Variants in CTNNA3 observed in about 807,000 individuals in gnomAD.
CTNNA3 encodes catenin alpha-3.
Under a neutral mutation model 95.7 loss-of-function variants are expected in CTNNA3, and 76 were observed. The observed-to-expected ratio is 0.79, with a 90% CI of 0.66 to 0.96. The LOEUF (loss-of-function observed/expected upper bound fraction) is 0.96. Among genes scored for constraint, CTNNA3 ranks in the 40% least tolerant of loss-of-function variants. The pLI is 0.00. For synonymous variants in CTNNA3, 431 were observed against 374.4 expected (o/e 1.15, Z -1.74); for missense variants, 1,191 against 1,089.8 (o/e 1.09, Z -1.31).
intron 7 of CTNNA3, among the ~76,000 whole-genome samples, chr10:67,147,010 G>A (rs906842979): frequency 2.0e-5 from 3 of 152,128 alleles, no homozygotes; most frequent in African/African-American, 7.2e-5. Flanking sequence ...ATGCAGGTTT[G>A]TGTAAGTCCC....
intron 5 of CTNNA3, among the ~76,000 whole-genome samples, chr10:67,241,420 C>CA (rs796801093): frequency 0.045 from 5,941 of 133,156 alleles, 331 homozygotes; most frequent in African/African-American, 0.14. Flanking sequence ...GAGACTGTTT[C>CA]AAAAAAAAAA....
At chr10:67,413,141 A>G (rs1845425524) in intron 5 of CTNNA3, among the ~76,000 whole-genome samples, 1 of 152,142 alleles carries the variant, frequency 6.6e-6, no homozygotes, top group African/African-American at 2.4e-5. Flanking sequence ...ACGTAAAAGT[A>G]TGCGGTAAGA....
intron 13 of CTNNA3, among the ~76,000 whole-genome samples, chr10:66,158,660 A>T (rs774069346): frequency 1.6e-4 from 24 of 151,844 alleles, no homozygotes; most frequent in Middle Eastern, 3.4e-3. Flanking sequence ...TGAATTTTAG[A>T]ATTGTTTTTT....
chr10:65,963,138 C>A (rs922823684), intron 17 of CTNNA3, among the ~76,000 whole-genome samples: 17 of 152,110 alleles, frequency 1.1e-4, no homozygotes, highest in African/African-American at 2.9e-4. Flanking sequence ...TTTACTATTG[C>A]CATCTCAAAC....
At chr10:67,281,763 T>C (rs1208585190) in intron 5 of CTNNA3, among the ~76,000 whole-genome samples, 3 of 152,172 alleles carry the variant, frequency 2.0e-5, no homozygotes, top group Non-Finnish European at 4.4e-5. Context: ...ATGTAATCAA[T>C]TCACTTTAGT....
At chr10:67,249,470 TTTGA>T (rs1214732888) in intron 5 of CTNNA3, among the ~76,000 whole-genome samples, 1 of 152,214 alleles carries the variant, frequency 6.6e-6, no homozygotes, top group African/African-American at 2.4e-5. Context: ...ATTTAACATT[TTTGA>T]TTGGTTCTTG....
At chr10:66,419,977 G>T (rs1407434809) in intron 11 of CTNNA3, among the ~76,000 whole-genome samples, 1 of 151,920 alleles carries the variant, frequency 6.6e-6, no homozygotes, top group African/African-American at 2.4e-5. Context: ...AGTCGTCTAG[G>T]AAAAGATTTT....
At chr10:67,402,355 A>G (rs1844954433) in intron 5 of CTNNA3, among the ~76,000 whole-genome samples, 1 of 152,254 alleles carries the variant, frequency 6.6e-6, no homozygotes, top group African/African-American at 2.4e-5. Context: ...GAGAGCTCAA[A>G]GAGCAATTCT....
chr10:66,728,027 T>G lies in CTNNA3; in HGVS notation c.1281+38237A>C, dbSNP rs189587455. Among the ~76,000 whole-genome samples, 177 of 152,296 alleles carry G rather than the reference T, an allele frequency of 1.2e-3. 1 individual carries two copies. The highest frequency in any genetic ancestry group is 3.5e-4 in the Non-Finnish European group (24 of 68,024). On this transcript the variant is annotated intron_variant, in intron 9 of 17. Coordinates refer to ENST00000433211, the MANE Select transcript of CTNNA3 (RefSeq NM_013266.4). ...CGCTTACATCATATCCCTCACTAAA[T>G]GAAGGGCGTATTGTTTATGAAATAA...
intron 11 of CTNNA3, among the ~76,000 whole-genome samples, chr10:66,421,498 A>G (rs891998656): frequency 8.5e-5 from 13 of 152,104 alleles, no homozygotes; most frequent in Non-Finnish European, 4.4e-5. Flanking sequence ...CATGCATGTA[A>G]CAAAATATCA....
At chr10:67,759,255 T>A (rs7895797) in intron 1 of CTNNA3, among the ~76,000 whole-genome samples, 83,877 of 152,100 alleles carry the variant, frequency 0.55, 26,914 homozygotes, top group Middle Eastern at 0.73. Flanking sequence ...TTGTCCAATT[T>A]GTACTAAGTC....
At chr10:67,476,392 T>C (rs1230988237) in intron 5 of CTNNA3, among the ~76,000 whole-genome samples, 1 of 152,038 alleles carries the variant, frequency 6.6e-6, no homozygotes, top group Non-Finnish European at 1.5e-5. Flanking sequence ...AGACACCCAC[T>C]GTTCTTATGC....
intron 5 of CTNNA3, among the ~76,000 whole-genome samples, chr10:67,465,840 A>G (rs780909912): frequency 1.3e-5 from 2 of 152,132 alleles, no homozygotes; most frequent in African/African-American, 2.4e-5. Context: ...GCATTTAGTT[A>G]TTTTCCCCCA....
chr10:66,959,007 C>T (rs546463275), intron 7 of CTNNA3, among the ~76,000 whole-genome samples: 1 of 152,156 alleles, frequency 6.6e-6, no homozygotes, highest in East Asian at 1.9e-4. Context: ...CACAGCCTTT[C>T]TACAGACCCT....
chr10:67,421,053 T>C (rs1313911620), intron 5 of CTNNA3, among the ~76,000 whole-genome samples: 1 of 152,098 alleles, frequency 6.6e-6, no homozygotes, highest in Non-Finnish European at 1.5e-5. Flanking sequence ...TTTTAGAACA[T>C]CATCAGACAT....
intron 8 of CTNNA3, among the ~76,000 whole-genome samples, chr10:66,769,342 A>G (rs1839993104): frequency 6.6e-6 from 1 of 152,192 alleles, no homozygotes; most frequent in Admixed American, 6.5e-5. Flanking sequence ...TATCTCTCCC[A>G]CTGAAATCAT....
intron 13 of CTNNA3, among the ~76,000 whole-genome samples, chr10:66,217,963 G>A (rs1034329424): frequency 6.6e-6 from 1 of 151,978 alleles, no homozygotes; most frequent in Admixed American, 6.6e-5. Context: ...GCGCACTAGG[G>A]GAAGGAGCTG....
intron 11 of CTNNA3, among the ~76,000 whole-genome samples, chr10:66,415,622 C>A (rs183035096): frequency 7.8e-4 from 119 of 152,226 alleles, no homozygotes; most frequent in African/African-American, 2.7e-3. Flanking sequence ...ACTGCTGCAA[C>A]CACAGGAGCT....
At chr10:66,871,173 A>G (rs2132439922) in intron 7 of CTNNA3, among the ~76,000 whole-genome samples, 1 of 152,318 alleles carries the variant, frequency 6.6e-6, no homozygotes, top group African/African-American at 2.4e-5. Context: ...AATAAAGCTG[A>G]CCATCTTAGG....
Sources: gnomAD v4.1 joint callset for allele counts (sites outside exome capture counted in the v4.1 genomes callset) on GRCh38, gnomAD v4.1.1 for gene constraint, MANE v1.5 for transcripts, NCBI Gene and HGNC (gene_info 2026-07-23, HGNC 2026-07-21) for gene names.